Variants in MALRD1 observed in about 807,000 individuals in gnomAD.
MALRD1 encodes MAM and LDL-receptor class A domain-containing protein 1.
MALRD1 carries 247 observed loss-of-function variants against 242.1 expected under a neutral mutation model. The observed-to-expected ratio is 1.02, with a 90% CI of 0.92 to 1.13. The LOEUF (loss-of-function observed/expected upper bound fraction) is 1.13, where lower values mean the gene tolerates loss of function less well. Among genes scored for constraint, MALRD1 ranks in the 50% most tolerant of loss-of-function variants. MALRD1 has a pLI of 0.00. For missense variants in MALRD1, 2,989 were observed against 2,533.1 expected (o/e 1.18, Z -3.86); for synonymous variants, 995 against 866.6 (o/e 1.15, Z -2.60).
chr10:19,508,476 AT>A (rs1488716576), intron 31 of MALRD1, among the ~76,000 whole-genome samples: 1 of 152,182 alleles, frequency 6.6e-6, no homozygotes, highest in African/African-American at 2.4e-5. Flanking sequence ...GGAATACCAA[AT>A]TTTCTGACTC....
intron 36 of MALRD1, among the ~76,000 whole-genome samples, chr10:19,617,314 A>G (rs2131614162): frequency 6.6e-6 from 1 of 152,134 alleles, no homozygotes; most frequent in Admixed American, 6.6e-5. Flanking sequence ...AGAAGAAAGG[A>G]AGTCAATGGA....
chr10:19,485,504 G>A (rs1211469311), intron 29 of MALRD1, among the ~76,000 whole-genome samples: 3 of 151,878 alleles, frequency 2.0e-5, no homozygotes, highest in Non-Finnish European at 4.4e-5. Context: ...TTAGCCGGGC[G>A]TGGTGGCGGG....
intron 38 of MALRD1, among the ~76,000 whole-genome samples, chr10:19,717,458 C>T (rs909658149): frequency 2.0e-5 from 3 of 152,146 alleles, no homozygotes; most frequent in African/African-American, 7.2e-5. Flanking sequence ...AGAACTAGTG[C>T]TAAGATACCA....
chr10:19,060,498 C>A (rs1834792125), intron 1 of MALRD1, among the ~76,000 whole-genome samples: 1 of 152,180 alleles, frequency 6.6e-6, no homozygotes, highest in Admixed American at 6.6e-5. Flanking sequence ...ATCTTTCCTG[C>A]CCTCTTCTCA....
In MALRD1 at chr10:19,413,227, A is replaced by G. The variant is rs1019029272; in HGVS notation, c.4845+23618A>G. On this transcript the variant is annotated intron_variant, in intron 28 of 39. Transcript: ENST00000454679. ...TCATAGCCCTTGATAACGAAAAACT[A>G]CTAAATAGTTTTGAGATTGAGGCAC... is the stretch of plus-strand genomic sequence containing the variant. Among the ~76,000 whole-genome samples the G allele has an allele frequency of 1.6e-3, 243 of 152,290 alleles. 1 individual carries two copies. Among genetic ancestry groups the G allele is most frequent in the African/African-American group, 5.2e-3 (217 of 41,570 alleles).
intron 18 of MALRD1, among the ~76,000 whole-genome samples, chr10:19,256,305 AT>A (rs1003453947): frequency 6.6e-6 from 1 of 152,090 alleles, no homozygotes; most frequent in African/African-American, 2.4e-5. Flanking sequence ...ACCCAACTCT[AT>A]TTTTAAAAAT....
At chr10:19,061,461 C>G (rs1405911151) in intron 1 of MALRD1, among the ~76,000 whole-genome samples, 1 of 151,700 alleles carries the variant, frequency 6.6e-6, no homozygotes, top group Non-Finnish European at 1.5e-5. Context: ...CTCAAGGAAC[C>G]TCAAATAACC....
At chr10:19,292,051 C>G (rs1032712598) in intron 21 of MALRD1, among the ~76,000 whole-genome samples, 8 of 141,912 alleles carry the variant, frequency 5.6e-5, no homozygotes, top group African/African-American at 1.8e-4. Flanking sequence ...CCACTGCACT[C>G]CAGCCTGGAT....
chr10:19,706,478 G>A (rs1370381051), intron 38 of MALRD1, among the ~76,000 whole-genome samples: 1 of 151,910 alleles, frequency 6.6e-6, no homozygotes, highest in Non-Finnish European at 1.5e-5. Flanking sequence ...AGCCTCCCTT[G>A]TAGGTGGGAT....
intron 38 of MALRD1, chr10:19,710,332 T>TA (rs1834050778): frequency 6.6e-6 from 1 of 152,078 alleles, no homozygotes; most frequent in Admixed American, 6.6e-5. Flanking sequence ...GAACCCTTTT[T>TA]AAAAAAGTAA....
chr10:19,657,690 TAAAC>T (rs1341029429), intron 36 of MALRD1, among the ~76,000 whole-genome samples: 8 of 152,194 alleles, frequency 5.3e-5, no homozygotes, highest in African/African-American at 9.6e-5. Flanking sequence ...TGTTTTGAGA[TAAAC>T]AACCAATTAT....
intron 5 of MALRD1, among the ~76,000 whole-genome samples, chr10:19,109,542 G>A (rs1207131998): frequency 6.6e-6 from 1 of 152,216 alleles, no homozygotes; most frequent in African/African-American, 2.4e-5. Context: ...GCTTCAAATA[G>A]CTGGGATGGT....
chr10:19,118,177 C>G (rs1333133467), intron 5 of MALRD1, among the ~76,000 whole-genome samples: 2 of 152,038 alleles, frequency 1.3e-5, no homozygotes, highest in Admixed American at 6.6e-5. Context: ...AATAGCCAAA[C>G]AGTAGAGGAA....
intron 2 of MALRD1, among the ~76,000 whole-genome samples, chr10:19,078,113 ATTTT>A (rs961075209): frequency 4.0e-5 from 6 of 151,102 alleles, no homozygotes; most frequent in African/African-American, 1.5e-4. Context: ...TAGGATTTAA[ATTTT>A]TTTTATTTTT....
At chr10:19,207,146 T>C (rs1836821077) in intron 17 of MALRD1, among the ~76,000 whole-genome samples, 1 of 152,132 alleles carries the variant, frequency 6.6e-6, no homozygotes. Flanking sequence ...GCATCAAGTG[T>C]CATTACTAAC....
At chr10:19,388,853 C>G (rs76871025) in intron 27 of MALRD1, among the ~76,000 whole-genome samples, 17 of 105,652 alleles carry the variant, frequency 1.6e-4, no homozygotes, top group Middle Eastern at 7.5e-3. Context: ...GCAAAGAAGT[C>G]TAAATATTGA....
intron 8 of MALRD1, among the ~76,000 whole-genome samples, chr10:19,130,071 T>C (rs867554299): frequency 6.6e-6 from 1 of 152,078 alleles, no homozygotes; most frequent in African/African-American, 2.4e-5. Flanking sequence ...GAACTTGTTA[T>C]GTTTTTGTGT....
At chr10:19,536,989 C>A (rs966730132) in intron 32 of MALRD1, among the ~76,000 whole-genome samples, 1 of 152,004 alleles carries the variant, frequency 6.6e-6, no homozygotes, top group African/African-American at 2.4e-5. Context: ...GCCAGCCTTG[C>A]GACTATCTGG....
chr10:19,610,690 T>C (rs1425462736), intron 35 of MALRD1, among the ~76,000 whole-genome samples: 2 of 152,062 alleles, frequency 1.3e-5, no homozygotes, highest in Non-Finnish European at 2.9e-5. Flanking sequence ...AATTCTGAGA[T>C]GAATAGCTAA....
Sources: gnomAD v4.1 joint callset for allele counts (sites outside exome capture counted in the v4.1 genomes callset) on GRCh38, gnomAD v4.1.1 for gene constraint, MANE v1.5 for transcripts, NCBI Gene and HGNC (gene_info 2026-07-23, HGNC 2026-07-21) for gene names.